The following DCAF8L2 variants were observed in gnomAD, a reference collection of about 807,000 sequenced individuals.
The protein encoded by DCAF8L2 is DDB1- and CUL4-associated factor 8-like protein 2.
For synonymous variants in DCAF8L2, 200 were observed against 190.9 expected (o/e 1.05, Z -0.39); for missense variants, 430 against 490.7 (o/e 0.88, Z 1.17).
At chrX:27,669,680 G>A (rs1375210137) in intron 2 of DCAF8L2, among the ~76,000 whole-genome samples, 1 of 107,318 alleles carries the variant, frequency 9.3e-6, no homozygotes, top group African/African-American at 3.4e-5. Context: ...GTGTCCAAGT[G>A]TTCTCATTGT....
intron 2 of DCAF8L2, among the ~76,000 whole-genome samples, chrX:27,634,989 TAGAG>T (rs1187785568): frequency 2.1e-4 from 20 of 94,986 alleles, no homozygotes; most frequent in African/African-American, 8.0e-4. Flanking sequence ...CACACATATA[TAGAG>T]AGAGAGAGAG....
the DCAF8L2 span, among the ~76,000 whole-genome samples, chrX:27,553,400 A>G: frequency 9.0e-6 from 1 of 111,463 alleles, no homozygotes; most frequent in East Asian, 2.8e-4. Flanking sequence ...CTTTAGGTCT[A>G]CTAATATTTG....
rs1927045729 is a variant in DCAF8L2 at position 27,609,131 on chromosome X, TC to T, written c.-342+18692del. On this transcript the variant is annotated intron_variant, in intron 1 of 4. Coordinates refer to ENST00000451261, the MANE Select transcript of DCAF8L2 (RefSeq NM_001353450.2). ...AAAGCCTCCCATCCATTATCTTGTA[TC>T]TTTTTCACAAGGGCCTTATCTCTAT... Among the ~76,000 whole-genome samples the T allele has an allele frequency of 2.7e-5, 3 of 112,004 alleles. No individual in the cohort carries two copies. In the South Asian group the frequency reaches 1.1e-3, roughly 42 times the overall value.
At chrX:27,590,972 T>G (rs1020090470) in intron 1 of DCAF8L2, among the ~76,000 whole-genome samples, 3 of 81,686 alleles carry the variant, frequency 3.7e-5, no homozygotes, top group African/African-American at 8.9e-5. Flanking sequence ...TGTTAAATGT[T>G]TATAAAAGCC....
At chrX:27,667,159 A>C (rs778553297) in intron 2 of DCAF8L2, among the ~76,000 whole-genome samples, 17 of 110,942 alleles carry the variant, frequency 1.5e-4, no homozygotes, top group Non-Finnish European at 3.2e-4. Flanking sequence ...GTGTTAAAGG[A>C]ACGATACAAG....
chrX:27,678,904 A>G (rs1409365468), intron 3 of DCAF8L2, among the ~76,000 whole-genome samples: 1 of 111,946 alleles, frequency 8.9e-6, no homozygotes, highest in African/African-American at 3.2e-5. Flanking sequence ...TAGGCTAAAG[A>G]TGTAAATGAA....
chrX:27,628,666 C>G (rs1036815063), intron 1 of DCAF8L2, among the ~76,000 whole-genome samples: 1 of 106,664 alleles, frequency 9.4e-6, no homozygotes, highest in African/African-American at 3.4e-5. Context: ...TGCAGTGGCG[C>G]GATCTCGGCT....
At chrX:27,735,486 T>G (rs758804004) in intron 4 of DCAF8L2, among the ~76,000 whole-genome samples, 13 of 112,520 alleles carry the variant, frequency 1.2e-4, no homozygotes, top group Non-Finnish European at 2.4e-4. Flanking sequence ...CTTCTTTATT[T>G]TCAATCACAT....
the DCAF8L2 span, among the ~76,000 whole-genome samples, chrX:27,476,533 G>C: frequency 9.0e-6 from 1 of 111,146 alleles, no homozygotes; most frequent in Non-Finnish European, 1.9e-5. Context: ...GATGAGTTGA[G>C]ATTGAGGTAC....
At chrX:27,531,032 A>G in the DCAF8L2 span, among the ~76,000 whole-genome samples, 636 of 111,695 alleles carry the variant, frequency 5.7e-3, 1 homozygote, top group African/African-American at 0.015. Flanking sequence ...AGATTTGTGG[A>G]GTTTTTGTTA....
the DCAF8L2 span, among the ~76,000 whole-genome samples, chrX:27,488,560 TGTGC>T: frequency 0.2 from 13,782 of 67,991 alleles, 854 homozygotes; most frequent in African/African-American, 0.4. Flanking sequence ...TGTGTGTGTG[TGTGC>T]GCTTTCATAT....
chrX:27,488,326 A>G, the DCAF8L2 span, among the ~76,000 whole-genome samples: 3 of 111,503 alleles, frequency 2.7e-5, no homozygotes, highest in East Asian at 8.4e-4. Flanking sequence ...TATTTTGCCT[A>G]TATTTAATTG....
the DCAF8L2 span, among the ~76,000 whole-genome samples, chrX:27,567,029 T>A: frequency 4.5e-5 from 5 of 111,673 alleles, no homozygotes; most frequent in African/African-American, 1.6e-4. Context: ...TTTGTGAATA[T>A]CCACTTTTCC....
chrX:27,649,694 A>T (rs913149653), intron 2 of DCAF8L2, among the ~76,000 whole-genome samples: 6 of 111,992 alleles, frequency 5.4e-5, no homozygotes, highest in African/African-American at 1.9e-4. Context: ...TGGATTCTTA[A>T]TATTAGACAT....
At chrX:27,664,320 C>T (rs1344706742) in intron 2 of DCAF8L2, among the ~76,000 whole-genome samples, 3 of 111,596 alleles carry the variant, frequency 2.7e-5, no homozygotes, top group South Asian at 7.5e-4. Context: ...TCAAACCAGC[C>T]GCAACATTCC....
At chrX:27,676,443 T>A (rs951630185) in intron 2 of DCAF8L2, among the ~76,000 whole-genome samples, 1 of 111,469 alleles carries the variant, frequency 9.0e-6, no homozygotes, top group African/African-American at 3.3e-5. Flanking sequence ...TAAATGTATG[T>A]CTACTTATAC....
At chrX:27,512,133 T>C in the DCAF8L2 span, among the ~76,000 whole-genome samples, 1 of 109,745 alleles carries the variant, frequency 9.1e-6, no homozygotes, top group Admixed American at 9.8e-5. Flanking sequence ...TAGCTGGACA[T>C]AGTGGTGCAC....
intron 3 of DCAF8L2, among the ~76,000 whole-genome samples, chrX:27,688,434 CT>C (rs1930587711): frequency 9.0e-6 from 1 of 111,683 alleles, no homozygotes; most frequent in South Asian, 3.7e-4. Context: ...CTATTTAAAG[CT>C]TTTGTGCATT....
At chrX:27,707,694 C>T (rs1602758749) in intron 3 of DCAF8L2, among the ~76,000 whole-genome samples, 1 of 111,441 alleles carries the variant, frequency 9.0e-6, no homozygotes, top group East Asian at 2.8e-4. Context: ...CAGCCTATTA[C>T]TGTTGCTTGG....
Sources: gnomAD v4.1 joint callset for allele counts (sites outside exome capture counted in the v4.1 genomes callset) on GRCh38, gnomAD v4.1.1 for gene constraint, MANE v1.5 for transcripts, NCBI Gene and HGNC (gene_info 2026-07-23, HGNC 2026-07-21) for gene names.